The following METTL24 variants were observed in gnomAD, a reference collection of about 807,000 sequenced individuals.
The protein encoded by METTL24 is probable methyltransferase-like protein 24.
A neutral mutation model predicts 32.7 loss-of-function variants in METTL24; 29 were observed. The ratio of observed to expected loss-of-function variants is 0.89; its 90% confidence interval spans 0.66 to 1.21. The LOEUF (loss-of-function observed/expected upper bound fraction) is 1.21. Ranked by LOEUF, METTL24 falls within the 50% of genes most tolerant of loss-of-function variation. METTL24 has a pLI of 0.00. For synonymous variants in METTL24, 163 were observed against 179.5 expected, an observed-to-expected ratio of 0.91 and a Z score of 0.73; for missense variants, 439 against 468.1, an observed-to-expected ratio of 0.94 and a Z score of 0.57.
intron 4 of METTL24, among the ~76,000 whole-genome samples, chr6:110,266,980 G>T (rs1407879139): frequency 6.6e-6 from 1 of 152,032 alleles, no homozygotes; most frequent in Admixed American, 6.6e-5. Flanking sequence ...AAAGCTGTAA[G>T]TTATAATTGG....
At chr6:110,256,468 G>T (rs528189650) in intron 4 of METTL24, among the ~76,000 whole-genome samples, 2 of 152,048 alleles carry the variant, frequency 1.3e-5, no homozygotes, top group East Asian at 1.9e-4. Context: ...TTGATCTTTT[G>T]ATTTCCTTAC....
chr6:110,344,568 T>G (rs1395887671), intron 1 of METTL24, among the ~76,000 whole-genome samples: 1 of 152,146 alleles, frequency 6.6e-6, no homozygotes, highest in African/African-American at 2.4e-5. Flanking sequence ...TGTGCACAAA[T>G]TTTAGTAATA....
At chr6:110,341,002 T>C (rs1772344647) in intron 1 of METTL24, among the ~76,000 whole-genome samples, 1 of 151,088 alleles carries the variant, frequency 6.6e-6, no homozygotes, top group Non-Finnish European at 1.5e-5. Context: ...TGTATGGTTT[T>C]ATTATTAAAA....
chr6:110,346,662 G>A (rs370279926), intron 1 of METTL24, among the ~76,000 whole-genome samples: 2 of 152,024 alleles, frequency 1.3e-5, no homozygotes, highest in South Asian at 2.1e-4. Flanking sequence ...GTGCCATCAC[G>A]CCCAGCTAAT....
intron 4 of METTL24, among the ~76,000 whole-genome samples, chr6:110,261,971 G>A (rs1338821317): frequency 6.6e-6 from 1 of 152,154 alleles, no homozygotes; most frequent in Non-Finnish European, 1.5e-5. Context: ...AAAGCAGTGT[G>A]TAGAGGGAAA....
At chr6:110,307,734 G>A (rs1158301035) in intron 3 of METTL24, among the ~76,000 whole-genome samples, 1 of 152,154 alleles carries the variant, frequency 6.6e-6, no homozygotes, top group African/African-American at 2.4e-5. Flanking sequence ...AAAAGAAAGG[G>A]AGAATAAATA....
chr6:110,292,011 C>A (rs1438091801), intron 4 of METTL24, among the ~76,000 whole-genome samples: 2 of 152,148 alleles, frequency 1.3e-5, no homozygotes, highest in Non-Finnish European at 2.9e-5. Context: ...ATTGTAAATT[C>A]TCTTTCTTAA....
At position 110,326,192 on chromosome 6, in the gene METTL24, A is replaced by G. The variant is rs113651890; in HGVS notation, c.319-3320T>C. On this transcript the variant is annotated intron_variant, in intron 1 of 4. Coordinates refer to ENST00000338882, the MANE Select transcript of METTL24 (RefSeq NM_001123364.3). ...CTTTGTTCCAGAGGGATCTTGCCCC[A>G]TACCCAGGAGGAAGAAACACTACAC... Among the ~76,000 whole-genome samples the G allele has an allele frequency of 7.3e-3, 1,116 of 152,294 alleles. 17 individuals carry two copies. The highest frequency in any genetic ancestry group is 0.024 in the African/African-American group (977 of 41,560).
At chr6:110,287,211 T>C (rs1771238270) in intron 4 of METTL24, among the ~76,000 whole-genome samples, 1 of 152,216 alleles carries the variant, frequency 6.6e-6, no homozygotes, top group Non-Finnish European at 1.5e-5. Context: ...TGGATGAATT[T>C]TGGCAAAAAC....
intron 3 of METTL24, among the ~76,000 whole-genome samples, chr6:110,315,002 T>G (rs956652673): frequency 6.6e-6 from 1 of 151,856 alleles, no homozygotes; most frequent in African/African-American, 2.4e-5. Flanking sequence ...TTTTTTTTTT[T>G]GCTGCACGCA....
intron 4 of METTL24, among the ~76,000 whole-genome samples, chr6:110,297,342 G>A (rs1383233013): frequency 6.6e-6 from 1 of 152,138 alleles, no homozygotes; most frequent in Non-Finnish European, 1.5e-5. Flanking sequence ...TATATCCGCA[G>A]ATCACTTTTT....
At position 110,335,584 on chromosome 6, in the gene METTL24, T is replaced by G. The variant is rs915292626; in HGVS notation, c.319-12712A>C. 2.4e-4 allele frequency among the ~76,000 whole-genome samples: 35 copies of G among 147,604 alleles called. 1 individual carries two copies. The highest frequency in any genetic ancestry group is 6.2e-4 in the African/African-American group (25 of 40,026). On this transcript the variant is annotated intron_variant, in intron 1 of 4. Coordinates refer to ENST00000338882, the MANE Select transcript of METTL24 (RefSeq NM_001123364.3). The stretch of plus-strand genomic sequence containing the variant: ...AATCATTGTTTTTTTTTTTTTTTTT[T>G]TTTTTTTTTTATGAAAAAAATGTTT...
chr6:110,266,206 G>GAA (rs142882560), intron 4 of METTL24, among the ~76,000 whole-genome samples: 7 of 147,912 alleles, frequency 4.7e-5, no homozygotes, highest in African/African-American at 1.2e-4. Flanking sequence ...TGTCTGGCAG[G>GAA]AAAAAAAAAA....
chr6:110,319,427 A>AGAT (rs1771889762), intron 2 of METTL24, among the ~76,000 whole-genome samples: 3 of 147,072 alleles, frequency 2.0e-5, no homozygotes, highest in Admixed American at 6.7e-5. Context: ...AGAGATAGAT[A>AGAT]GATAGATAGA....
chr6:110,295,794 A>AAGG (rs1771403129), intron 4 of METTL24, among the ~76,000 whole-genome samples: 144 of 136,320 alleles, frequency 1.1e-3, no homozygotes, highest in African/African-American at 3.9e-3. Flanking sequence ...AGAAAGAAAG[A>AAGG]AAGGAAGGAA....
chr6:110,335,462 C>T (rs997865), intron 1 of METTL24, among the ~76,000 whole-genome samples: 41,358 of 151,738 alleles, frequency 0.27, 5,868 homozygotes, highest in South Asian at 0.32. Context: ...AACCTTCCAT[C>T]CATAAGTAAA....
Position 110,299,134 on chromosome 6 carries a change from T to A in METTL24, c.574A>T (p.Thr192Ser). The change falls in exon 4 of 5, where the codon ACC becomes TCC. Residue 192 changes from threonine (T) to serine (S), a missense_variant. Transcript: ENST00000338882. The part of the protein sequence containing the change: ...LYSLGLGSDD[T>S]HFEVSMANNG... ...TTGGCCATGCTAACCTCAAAATGGG[T>A]ATCATCACTTCCTAGCCTATAAAGA... 2 of 1,613,892 alleles carry A rather than the reference T, an allele frequency of 1.2e-6. No individual in the cohort carries two copies. Among genetic ancestry groups the A allele is most frequent in the South Asian group, 1.1e-5 (1 of 91,080 alleles).
chr6:110,306,446 T>G (rs1293634343), intron 3 of METTL24, among the ~76,000 whole-genome samples: 1 of 151,916 alleles, frequency 6.6e-6, no homozygotes, highest in African/African-American at 2.4e-5. Flanking sequence ...TCCAGAAATT[T>G]TCTACCTATA....
intron 1 of METTL24, among the ~76,000 whole-genome samples, chr6:110,336,785 G>T (rs1281595628): frequency 6.6e-6 from 1 of 151,796 alleles, no homozygotes; most frequent in Non-Finnish European, 1.5e-5. Context: ...TTGCTGGCGA[G>T]GTTGCAGAGA....
Sources: gnomAD v4.1 joint callset for allele counts (sites outside exome capture counted in the v4.1 genomes callset) on GRCh38, gnomAD v4.1.1 for gene constraint, MANE v1.5 for transcripts, NCBI Gene and HGNC (gene_info 2026-07-23, HGNC 2026-07-21) for gene names.